EEF2K: variants seen among roughly 807,000 people sequenced by gnomAD.
EEF2K encodes the protein alternative protein EEF2K.
A neutral mutation model predicts 93.8 loss-of-function variants in EEF2K; 70 were observed. The ratio of observed to expected loss-of-function variants is 0.75; its 90% CI spans 0.62 to 0.91. The LOEUF (loss-of-function observed/expected upper bound fraction) is 0.91, where lower values mean the gene tolerates loss of function less well. EEF2K is among the 40% of genes least tolerant of loss of function. The probability of loss-of-function intolerance (pLI) is 0.00; values close to 1 mark genes in which losing one functional copy is unlikely to be tolerated. For missense variants in EEF2K, 935 were observed against 972.9 expected (o/e 0.96, Z 0.52); for synonymous variants, 376 against 380.8 (o/e 0.99, Z 0.15).
Position 22,257,760 on chromosome 16 carries a change from C to G in EEF2K, c.1019C>G (p.Thr340Ser), listed in dbSNP as rs1437083028. 6.2e-7 allele frequency: 1 copy of G among 1,613,738 alleles called. No homozygotes were observed. Among genetic ancestry groups the G allele is most frequent in the Non-Finnish European group, 8.5e-7 (1 of 1,179,966 alleles). Residue 340 changes from threonine to serine, a missense_variant, in exon 9 of 18, where the codon ACC (threonine) becomes AGC (serine). Transcript: ENST00000263026. Reference sequence around the variant, plus strand: ...GAGAGGGATGCAGTGAATCAGAACACCAAGCTGCTGGTGGGTGCCCAGTGT... The same window carrying G: ...GAGAGGGATGCAGTGAATCAGAACAGCAAGCTGCTGGTGGGTGCCCAGTGT... ...PRERDAVNQN[T>S]KLLQSAKTIL...
chr16:22,240,284 T>C (rs1026080079), intron 2 of EEF2K, among the ~76,000 whole-genome samples: 9 of 152,346 alleles, frequency 5.9e-5, no homozygotes, highest in Non-Finnish European at 1.2e-4. Context: ...TAGATTATTA[T>C]GCAACTATTA....
intron 17 of EEF2K, among the ~76,000 whole-genome samples, chr16:22,281,226 C>T (rs926191566): frequency 1.3e-5 from 2 of 152,148 alleles, no homozygotes; most frequent in African/African-American, 4.8e-5. Flanking sequence ...CATGCCTGGC[C>T]TCCTTTCCTT....
rs896098110 is a variant in EEF2K at position 22,287,684 on chromosome 16, T to C, written c.*3688T>C. ...ATGAATGAATGGATAGGTGGCTTTA[T>C]GGGTGTAAGAAAGAAGCGAAAAAAA... is the stretch of plus-strand genomic sequence containing the variant. On this transcript the variant is annotated 3_prime_UTR_variant, in exon 18 of 18. Coordinates refer to ENST00000263026, the MANE Select transcript of EEF2K (RefSeq NM_013302.5). 2 of 152,200 alleles carry C rather than the reference T, an allele frequency of 1.3e-5. No homozygotes were observed. The highest frequency in any genetic ancestry group is 2.9e-5 in the Non-Finnish European group (2 of 68,040). 9.4% of individuals were successfully genotyped at this position (152,200 alleles called of 1,614,324 possible). A position where few individuals can be genotyped will look rare whatever the true frequency, so the allele number is the denominator to read the frequency against.
chr16:22,265,311 G>T (rs188641988), intron 13 of EEF2K: 434 of 166,032 alleles, frequency 2.6e-3, no homozygotes, highest in South Asian at 3.7e-3. Flanking sequence ...GCATCAGCAA[G>T]TCTGGGAAAG....
chr16:22,266,798 C>T lies in EEF2K; in HGVS notation c.1686C>T (p.Gly562=), dbSNP rs753689415. The T allele has an allele frequency of 1.5e-5, 25 of 1,614,104 alleles. No homozygotes were observed. Among genetic ancestry groups the T allele is most frequent in the Admixed American group, 8.3e-5 (5 of 60,012 alleles). Residue 562 remains glycine, a synonymous_variant, in exon 15 of 18, where the codon GGC becomes GGT. Transcript: ENST00000263026. ...ACCTGGAGCACGCAGCCAACCTGGG[C>T]GAGCTGGAGGCCATCGTGGGCCTGG... ...VFHLEHAANL[G]ELEAIVGLGL... is the part of the protein sequence containing the mutation.
At chr16:22,226,984 G>A (rs1247456119) in intron 2 of EEF2K, among the ~76,000 whole-genome samples, 1 of 152,140 alleles carries the variant, frequency 6.6e-6, no homozygotes, top group African/African-American at 2.4e-5. Flanking sequence ...TGGATCACCT[G>A]AGGTAGGAGT....
chr16:22,266,267 C>T (rs2047516733), intron 13 of EEF2K, 123 bp from the exon 14 acceptor site: 2 of 1,369,524 alleles, frequency 1.5e-6, no homozygotes, highest in Admixed American at 2.5e-5. Context: ...TAAACTTTGA[C>T]ATCGTGAGGG....
intron 2 of EEF2K, among the ~76,000 whole-genome samples, chr16:22,242,622 G>C (rs1490481559): frequency 6.6e-6 from 1 of 151,816 alleles, no homozygotes; most frequent in Non-Finnish European, 1.5e-5. Flanking sequence ...ACTCTCAATA[G>C]GTTTTGATAG....
intron 2 of EEF2K, among the ~76,000 whole-genome samples, chr16:22,242,515 T>C (rs1214899507): frequency 6.6e-6 from 1 of 151,864 alleles, no homozygotes; most frequent in Non-Finnish European, 1.5e-5. Context: ...TTTCACCACG[T>C]TGGCCAGGCT....
intron 16 of EEF2K, among the ~76,000 whole-genome samples, chr16:22,274,838 G>C (rs1260907745): frequency 6.6e-6 from 1 of 152,094 alleles, no homozygotes; most frequent in Non-Finnish European, 1.5e-5. Flanking sequence ...CGAACTCCTG[G>C]GCTCAAGCAA....
chr16:22,257,666 T>C lies in EEF2K; in HGVS notation c.925T>C (p.Phe309Leu). ...NLGVRGMALFFYSHACNRICE... is the reference protein window; with the variant it reads ...NLGVRGMALFLYSHACNRICE... ...AGGTGTCCGCGGGATGGCGCTCTTC[T>C]TCTACTCTCATGCCTGCAACCGGAT... Residue 309 changes from phenylalanine (F) to leucine (L), a missense_variant, in exon 9 of 18, where the codon TTC becomes CTC. Phe to Leu is a conservative substitution (Grantham distance 22, BLOSUM62 0). Transcript: ENST00000263026. The C allele has an allele frequency of 6.2e-7, 1 of 1,613,802 alleles. No homozygotes were observed. Among genetic ancestry groups the C allele is most frequent in the Non-Finnish European group, 8.5e-7 (1 of 1,180,036 alleles).
rs2047681384 is a variant in EEF2K at position 22,280,361 on chromosome 16, G to C, written c.2053G>C (p.Asp685His). The C allele has an allele frequency of 1.3e-6, 2 of 1,573,754 alleles. No homozygotes were observed. The highest frequency in any genetic ancestry group is 3.6e-5 in the Admixed American group (2 of 55,160). ...LFTGGYGLEK[D>H]PQRSGDLYTQ... is the part of the protein sequence containing the mutation. Reference sequence around the variant, plus strand: ...CACAGGAGGCTACGGGCTGGAGAAGGACCCGCAGAGATCAGGTAGGGCCTG... The same window carrying C: ...CACAGGAGGCTACGGGCTGGAGAAGCACCCGCAGAGATCAGGTAGGGCCTG... The change falls in exon 17 of 18, where the codon GAC (aspartate) becomes CAC (histidine). Residue 685 changes from aspartate to histidine, a missense_variant. Coordinates refer to ENST00000263026, the MANE Select transcript of EEF2K (RefSeq NM_013302.5).
rs1356724629 is a variant in EEF2K at position 22,287,007 on chromosome 16, G to T, written c.*3011G>T. On this transcript the variant is annotated 3_prime_UTR_variant, in exon 18 of 18. Transcript: ENST00000263026. ...GAGCTAAGCAAATGCTTCTTTAAGGGCCCTTAAAAGTGAAAAGTAACTTGC... is the reference window on the plus strand; with the variant it reads ...GAGCTAAGCAAATGCTTCTTTAAGGTCCCTTAAAAGTGAAAAGTAACTTGC... 6.6e-6 allele frequency: 1 copy of T among 152,238 alleles called. No homozygotes were observed. 9.4% of individuals were successfully genotyped at this position (152,238 alleles called of 1,614,324 possible). A position where few individuals can be genotyped will look rare whatever the true frequency, so the allele number is the denominator to read the frequency against.
At chr16:22,213,154 C>G (rs1055602490) in intron 1 of EEF2K, among the ~76,000 whole-genome samples, 3 of 152,078 alleles carry the variant, frequency 2.0e-5, no homozygotes, top group African/African-American at 7.2e-5. Flanking sequence ...GTGGCACACA[C>G]CTGTAATCCC....
chr16:22,226,325 CTTTTT>C (rs935058417), intron 2 of EEF2K, among the ~76,000 whole-genome samples: 1 of 63,668 alleles, frequency 1.6e-5, no homozygotes, highest in Admixed American at 1.8e-4. Flanking sequence ...AGGTGCTGTT[CTTTTT>C]TTTTTTTTTT....
chr16:22,235,622 C>G (rs113606298), intron 2 of EEF2K, among the ~76,000 whole-genome samples: 6,280 of 152,144 alleles, frequency 0.041, 164 homozygotes, highest in Non-Finnish European at 0.061. Flanking sequence ...TTCAGCCTCC[C>G]AAGTAGCTGG....
chr16:22,239,726 A>G (rs2047202074), intron 2 of EEF2K, among the ~76,000 whole-genome samples: 1 of 152,152 alleles, frequency 6.6e-6, no homozygotes, highest in Non-Finnish European at 1.5e-5. Context: ...CAGGAGGATC[A>G]CTTGAACCCA....
At chr16:22,247,037 C>CAA (rs57073413) in intron 3 of EEF2K, among the ~76,000 whole-genome samples, 164 of 13,690 alleles carry the variant, frequency 0.012, 29 homozygotes, top group Middle Eastern at 0.045. Context: ...GACTCCATCT[C>CAA]AAAAAAAAAA....
At chr16:22,257,878 A>G in intron 9 of EEF2K, 108 bp downstream of exon 9, 2 of 1,483,764 alleles carry the variant, frequency 1.3e-6, no homozygotes, top group South Asian at 1.3e-5. Flanking sequence ...TGCTTAACTG[A>G]TGAATACCAG....
Sources: allele counts gnomAD v4.1 joint callset (sites outside exome capture counted in the v4.1 genomes callset), GRCh38; gene constraint gnomAD v4.1.1; transcripts MANE v1.5; gene names NCBI Gene and HGNC (gene_info 2026-07-23, HGNC 2026-07-21).